ATP10B: variants seen among roughly 807,000 people sequenced by gnomAD.
The protein encoded by ATP10B is phospholipid-transporting ATPase VB.
Under a neutral mutation model 141.2 loss-of-function variants are expected in ATP10B, and 122 were observed. That is an observed-to-expected ratio of 0.86 (90% CI 0.75 to 1.00). The LOEUF (loss-of-function observed/expected upper bound fraction) is 1.00. ATP10B is among the 50% of genes least tolerant of loss of function. The probability of loss-of-function intolerance (pLI) is 0.00; values close to 1 mark genes in which losing one functional copy is unlikely to be tolerated. For missense variants in ATP10B, 1,876 were observed against 1,825.3 expected, an observed-to-expected ratio of 1.03 and a Z score of -0.51; for synonymous variants, 685 against 692.0, an observed-to-expected ratio of 0.99 and a Z score of 0.16.
chr5:160,892,905 G>T, the ATP10B span, among the ~76,000 whole-genome samples: 1 of 152,210 alleles, frequency 6.6e-6, no homozygotes, highest in East Asian at 1.9e-4. Context: ...GCAAGCCAAA[G>T]CAGGGTGAGA....
intron 1 of ATP10B, among the ~76,000 whole-genome samples, chr5:160,792,232 C>G (rs1771624890): frequency 1.3e-5 from 2 of 152,146 alleles, no homozygotes; most frequent in South Asian, 4.1e-4. Flanking sequence ...GCAGGCCATC[C>G]TTTTATTCAC....
At chr5:160,926,537 AT>A in the ATP10B span, among the ~76,000 whole-genome samples, 1 of 152,258 alleles carries the variant, frequency 6.6e-6, no homozygotes. Context: ...CAGATATAAA[AT>A]CAGATGTCTC....
At chr5:160,739,582 A>G (rs1280409996) in intron 2 of ATP10B, among the ~76,000 whole-genome samples, 1 of 152,220 alleles carries the variant, frequency 6.6e-6, no homozygotes, top group Non-Finnish European at 1.5e-5. Flanking sequence ...AACAAATGTA[A>G]TAAAAATGTG....
At chr5:160,624,289 C>G (rs1238366830) in intron 13 of ATP10B, among the ~76,000 whole-genome samples, 1 of 152,194 alleles carries the variant, frequency 6.6e-6, no homozygotes, top group East Asian at 1.9e-4. Flanking sequence ...ATTCTGTCCT[C>G]CCTAGGGCTG....
intron 2 of ATP10B, among the ~76,000 whole-genome samples, chr5:160,719,701 G>A (rs987264562): frequency 1.3e-5 from 2 of 152,192 alleles, no homozygotes; most frequent in African/African-American, 4.8e-5. Context: ...ATTAGGAAAA[G>A]TAAAATAATA....
chr5:160,845,264 C>T (rs151236799), intron 1 of ATP10B, among the ~76,000 whole-genome samples: 1 of 152,076 alleles, frequency 6.6e-6, no homozygotes, highest in Non-Finnish European at 1.5e-5. Flanking sequence ...ATGCTTTAGC[C>T]CGCAGTTTGG....
intron 6 of ATP10B, among the ~76,000 whole-genome samples, chr5:160,671,405 G>A (rs1048537583): frequency 3.9e-5 from 6 of 152,046 alleles, no homozygotes; most frequent in Non-Finnish European, 7.4e-5. Flanking sequence ...GAGTTTCAGG[G>A]AACTGGGATA....
At chr5:160,902,182 T>C in the ATP10B span, among the ~76,000 whole-genome samples, 1 of 152,190 alleles carries the variant, frequency 6.6e-6, no homozygotes, top group African/African-American at 2.4e-5. Flanking sequence ...TTTATAGAAG[T>C]CACTTGCTCT....
chr5:160,867,014 AG>A, the ATP10B span, among the ~76,000 whole-genome samples: 2 of 152,134 alleles, frequency 1.3e-5, no homozygotes, highest in Admixed American at 6.6e-5. Context: ...AACTTAGGTC[AG>A]TCAGATCTAG....
chr5:160,762,192 A>C (rs111573262), intron 2 of ATP10B, among the ~76,000 whole-genome samples: 1 of 152,196 alleles, frequency 6.6e-6, no homozygotes, highest in Non-Finnish European at 1.5e-5. Flanking sequence ...AGATCTAGAC[A>C]TCCAAATACA....
the ATP10B span, among the ~76,000 whole-genome samples, chr5:160,916,084 T>A: frequency 4.6e-5 from 7 of 152,190 alleles, no homozygotes; most frequent in Non-Finnish European, 1.0e-4. Flanking sequence ...AGGTAGGAAC[T>A]TTATAACAAC....
chr5:160,590,920 T>A (rs950855324), intron 23 of ATP10B, 139 bp downstream of exon 23: 40 of 650,030 alleles, frequency 6.2e-5, no homozygotes, highest in Non-Finnish European at 1.0e-4. Context: ...ACACCTTGGG[T>A]TGGATGTAAC....
intron 10 of ATP10B, among the ~76,000 whole-genome samples, chr5:160,639,400 G>A (rs544752581): frequency 1.3e-5 from 2 of 152,330 alleles, no homozygotes; most frequent in South Asian, 4.2e-4. Context: ...GAGATGGGAA[G>A]AGTATCTCGA....
intron 20 of ATP10B, chr5:160,603,300 T>G (rs771621457): frequency 6.5e-6 from 1 of 154,484 alleles, no homozygotes; most frequent in African/African-American, 2.4e-5. Flanking sequence ...AAAAATGGAA[T>G]AGCAATCCCT....
intron 1 of ATP10B, among the ~76,000 whole-genome samples, chr5:160,796,768 G>A (rs577067230): frequency 1.3e-5 from 2 of 152,278 alleles, no homozygotes; most frequent in East Asian, 3.9e-4. Context: ...GATCTTGAGA[G>A]TGGACTCCTC....
chr5:160,742,756 G>T (rs1767564465), intron 2 of ATP10B, among the ~76,000 whole-genome samples: 1 of 152,146 alleles, frequency 6.6e-6, no homozygotes, highest in Non-Finnish European at 1.5e-5. Context: ...GAATTTGGGG[G>T]GAGGATTTGG....
chr5:160,927,250 T>C, the ATP10B span, among the ~76,000 whole-genome samples: 1 of 152,180 alleles, frequency 6.6e-6, no homozygotes, highest in African/African-American at 2.4e-5. Flanking sequence ...AGTGGGTGGC[T>C]TGATAAAGCA....
chr5:160,584,175 C>T (rs755030490), intron 24 of ATP10B, among the ~76,000 whole-genome samples: 15 of 152,178 alleles, frequency 9.9e-5, no homozygotes, highest in South Asian at 2.1e-4. Context: ...TGTAGGCACC[C>T]GAGAGAATCT....
At chr5:160,740,090 A>T (rs1439845260) in intron 2 of ATP10B, among the ~76,000 whole-genome samples, 1 of 152,262 alleles carries the variant, frequency 6.6e-6, no homozygotes, top group African/African-American at 2.4e-5. Flanking sequence ...ACTGTTGCAG[A>T]CAAGACCCAT....
Sources: gnomAD v4.1 joint callset for allele counts (sites outside exome capture counted in the v4.1 genomes callset) on GRCh38, gnomAD v4.1.1 for gene constraint, MANE v1.5 for transcripts, NCBI Gene and HGNC (gene_info 2026-07-23, HGNC 2026-07-21) for gene names.